Variants in CD74 observed in about 807,000 individuals in gnomAD.
CD74 encodes the protein CD74 molecule.
In CD74, 20 loss-of-function variants were observed where a neutral mutation model predicts 37.1. The ratio of observed to expected loss-of-function variants is 0.54; its 90% CI spans 0.38 to 0.78. The LOEUF (loss-of-function observed/expected upper bound fraction) is 0.78. CD74 is among the 30% of genes least tolerant of loss of function. The pLI, the probability that CD74 is intolerant of heterozygous loss-of-function variation, is 0.00. For missense variants in CD74, 338 were observed against 389.5 expected, an observed-to-expected ratio of 0.87 and a Z score of 1.11; for synonymous variants, 150 against 152.0, an observed-to-expected ratio of 0.99 and a Z score of 0.10.
At chr5:150,411,678 G>A (rs1481942381) in intron 1 of CD74, among the ~76,000 whole-genome samples, 1 of 152,180 alleles carries the variant, frequency 6.6e-6, no homozygotes, top group African/African-American at 2.4e-5. Context: ...TGGCTGCAAG[G>A]GAGAGGGGCA....
Position 150,407,663 on chromosome 5 carries a change from G to C in CD74, c.126-339C>G, listed in dbSNP as rs186944854. Among the ~76,000 whole-genome samples, 107 of 152,024 alleles carry C rather than the reference G, an allele frequency of 7.0e-4. No homozygotes were observed. The highest frequency in any genetic ancestry group is 3.4e-3 in the Middle Eastern group (1 of 292). On this transcript the variant is annotated intron_variant, in intron 1 of 8. Coordinates refer to ENST00000009530, the MANE Select transcript of CD74 (RefSeq NM_001025159.3). The surrounding 1 kb of genome is among the most constrained non-coding windows in gnomAD (Gnocchi z 4.4). ...TGCCTGTGCGATGAGGGGTTGAGGT[G>C]GGGGGGTCTTCCCAGGCTCCCTTTG...
At chr5:150,404,507 C>G (rs1199485207) in intron 6 of CD74, 173 bp downstream of exon 6, 8 of 584,192 alleles carry the variant, frequency 1.4e-5, no homozygotes, top group Middle Eastern at 9.1e-4. Context: ...GACAGCCAAA[C>G]CAAGAAGGAA....
In CD74 at chr5:150,401,797, C is replaced by G. The variant is rs1769627177; in HGVS notation, c.*443G>C. ...ATGCTGGGGAAAGGGAAGAGAGTGG[C>G]TCAGCCTGCAGGTAAATAGGCTAGA... On this transcript the variant is annotated 3_prime_UTR_variant, in exon 9 of 9. Coordinates refer to ENST00000009530, the MANE Select transcript of CD74 (RefSeq NM_001025159.3). 7 of 618,178 alleles carry G rather than the reference C, an allele frequency of 1.1e-5. No individual in the cohort carries two copies. The South Asian group carries it at 1.3e-4, about 12-fold the overall frequency. 38.3% of individuals were successfully genotyped at this position (618,178 alleles called of 1,614,324 possible). A position where few individuals can be genotyped will look rare whatever the true frequency, so the allele number is the denominator to read the frequency against.
At position 150,409,338 on chromosome 5, in the gene CD74, C is replaced by T. The variant is rs188768370; in HGVS notation, c.126-2014G>A. 3.1e-3 allele frequency among the ~76,000 whole-genome samples: 477 copies of T among 151,814 alleles called. 2 individuals carry two copies. The highest frequency in any genetic ancestry group is 5.5e-3 in the Non-Finnish European group (375 of 67,948). ...GGTCAGGAGTTCGAGACCAGCCTGG[C>T]CAACGTGGTGAAACCCTGTCTCTAC... On this transcript the variant is annotated intron_variant, in intron 1 of 8. Transcript: ENST00000009530.
Position 150,403,227 on chromosome 5 carries a change from GT to G in CD74, c.710del (p.Asn237ThrfsTer50), listed in dbSNP as rs1384460241. The G allele has an allele frequency of 6.2e-7, 1 of 1,613,944 alleles. No homozygotes were observed. Among genetic ancestry groups the G allele is most frequent in the Non-Finnish European group, 8.5e-7 (1 of 1,179,902 alleles). On this transcript the variant is annotated frameshift_variant, in exon 7 of 9. Coordinates refer to ENST00000009530, the MANE Select transcript of CD74 (RefSeq NM_001025159.3). LOFTEE classifies it high-confidence loss of function. This position sits in a 1 kb window ranked among gnomAD's most constrained non-coding sequence, Gnocchi z 4.5. ...SFRPKCDENG[N>X]YLPLQCYGSI... ...TCCCATAGCACTGGAGTGGCAGATAGTTGCCGTTCTCGTCGCACTTGGGCCT... is the reference window on the plus strand; with the variant it reads ...TCCCATAGCACTGGAGTGGCAGATAGTGCCGTTCTCGTCGCACTTGGGCCT...
At chr5:150,405,343 G>T in intron 4 of CD74, 163 bp from the exon 5 acceptor site, 1 of 1,357,048 alleles carries the variant, frequency 7.4e-7, no homozygotes, top group Non-Finnish European at 9.5e-7. Flanking sequence ...GGAGGGGAGG[G>T]TACGGGTAAG....
chr5:150,407,336 G>T lies in CD74; in HGVS notation c.126-12C>A, dbSNP rs2151181015. ...CGCGGCTGCACTTGCTGTGGGAGGT[G>T]GGGAGGATAGGTCAGAGGAGGATCC... On this transcript the variant is annotated splice_polypyrimidine_tract_variant and intron_variant, in intron 1 of 8. Coordinates refer to ENST00000009530, the MANE Select transcript of CD74 (RefSeq NM_001025159.3). This position sits in a 1 kb window ranked among gnomAD's most constrained non-coding sequence, Gnocchi z 4.4. 1 of 1,598,348 alleles carries T rather than the reference G, an allele frequency of 6.3e-7. No homozygotes were observed. The highest frequency in any genetic ancestry group is 2.3e-5 in the East Asian group (1 of 44,378).
In CD74 at chr5:150,403,087, G is replaced by T. The variant is rs1468568974; in HGVS notation, c.817+34C>A. ...CCCCTCAACCTTCCTAGTCCTTCCT[G>T]GTCCTCTGACACTGGCACAGTGCCA... On this transcript the variant is annotated intron_variant, in intron 7 of 8. Coordinates refer to ENST00000009530, the MANE Select transcript of CD74 (RefSeq NM_001025159.3). This position sits in a 1 kb window ranked among gnomAD's most constrained non-coding sequence, Gnocchi z 4.5. 1.3e-6 allele frequency: 2 copies of T among 1,579,724 alleles called. No homozygotes were observed. The highest frequency in any genetic ancestry group is 1.1e-5 in the South Asian group (1 of 88,814).
intron 1 of CD74, among the ~76,000 whole-genome samples, chr5:150,411,973 TA>T: frequency 6.6e-6 from 1 of 152,308 alleles, no homozygotes; most frequent in Non-Finnish European, 1.5e-5. Flanking sequence ...TTTATTTATT[TA>T]TTTTTTTTGA....
rs539298812 is a variant in CD74, at chr5:150,404,809, C to A, written c.538-42G>T. 6.7e-6 allele frequency: 9 copies of A among 1,338,498 alleles called. No individual in the cohort carries two copies. The East Asian group carries it at 2.3e-4, about 34-fold the overall frequency. 82.9% of individuals were successfully genotyped at this position (1,338,498 alleles called of 1,614,324 possible). On this transcript the variant is annotated intron_variant, in intron 5 of 8. Transcript: ENST00000009530. ...TGGAGGTCAGGTTCGATGGCCACCA[C>A]CAAGCCCCTACACTGCCTGGCTTTG...
chr5:150,405,901 A>T (rs1413617912), intron 4 of CD74: 1 of 209,534 alleles, frequency 4.8e-6, no homozygotes, highest in Non-Finnish European at 1.0e-5. Flanking sequence ...CAACCTCATG[A>T]GTAGCTGGGA....
chr5:150,406,585 T>A, intron 3 of CD74: 1 of 590,900 alleles, frequency 1.7e-6, no homozygotes, highest in Non-Finnish European at 3.0e-6. Context: ...ATATTGTCAA[T>A]GCATGATAGC....
Position 150,403,783 on chromosome 5 carries a change from C to T in CD74, c.626-471G>A, listed in dbSNP as rs986759381. Among the ~76,000 whole-genome samples, 2 of 152,176 alleles carry T rather than the reference C, an allele frequency of 1.3e-5. No homozygotes were observed. The highest frequency in any genetic ancestry group is 2.9e-5 in the Non-Finnish European group (2 of 68,024). ...CCGAGGCAGGAGAATTGCTTGAACC[C>T]GGGAGGCTGAGGTTGCAGTGAGCTG... is the stretch of plus-strand genomic sequence containing the variant. On this transcript the variant is annotated intron_variant, in intron 6 of 8. Coordinates refer to ENST00000009530, the MANE Select transcript of CD74 (RefSeq NM_001025159.3). This position sits in a 1 kb window ranked among gnomAD's most constrained non-coding sequence, Gnocchi z 4.5.
rs781680991 is a variant in CD74, at chr5:150,412,670, T to C, written c.80A>G (p.Asn27Ser). The change falls in exon 1 of 9, where the codon AAT becomes AGT. Residue 27 changes from asparagine (N) to serine (S), a missense_variant. By Grantham distance (46) the Asn-to-Ser change is conservative. Transcript: ENST00000009530. ...MDDQRDLISN[N>S]EQLPMLGRRP... ...CCGGCCCAGCATGGGCAGTTGCTCA[T>C]TGTTGGAGATAAGGTCGCGCTGGTC... 11 of 1,613,808 alleles carry C rather than the reference T, an allele frequency of 6.8e-6. No individual in the cohort carries two copies. The African/African-American group carries it at 1.3e-4, about 20-fold the overall frequency.
chr5:150,412,763 C>A lies in CD74; in HGVS notation c.-14G>T, dbSNP rs1413391981. On this transcript the variant is annotated 5_prime_UTR_variant, in exon 1 of 9. Transcript: ENST00000009530. The stretch of plus-strand genomic sequence containing the variant: ...CCTCCTGTGCATCTGGGACCCTGAC[C>A]CCCCGGCTCGCCTCTTAAAGTCGGT... The A allele has an allele frequency of 1.2e-6, 2 of 1,613,698 alleles. No individual in the cohort carries two copies. Among genetic ancestry groups the A allele is most frequent in the Non-Finnish European group, 8.5e-7 (1 of 1,179,844 alleles).
Position 150,406,964 on chromosome 5 carries a change from TG to T in CD74, c.299-5del. 1 of 1,573,066 alleles carries T rather than the reference TG, an allele frequency of 6.4e-7. No individual in the cohort carries two copies. Among genetic ancestry groups the T allele is most frequent in the Non-Finnish European group, 8.6e-7 (1 of 1,166,090 alleles). On this transcript the variant is annotated splice_region_variant and splice_polypyrimidine_tract_variant and intron_variant, in intron 2 of 8. Coordinates refer to ENST00000009530, the MANE Select transcript of CD74 (RefSeq NM_001025159.3). ...ATCTTGCTCACAGGCTTGGGAGCTG[TG>T]GGGACAGGAACGAGGGTAAGTGTGG...
intron 4 of CD74, chr5:150,405,690 G>A (rs754073788): frequency 5.7e-5 from 9 of 159,040 alleles, no homozygotes; most frequent in East Asian, 1.8e-4. Flanking sequence ...GGACAGACAC[G>A]CAGTACAAAT....
At chr5:150,412,263 C>T (rs1770386644) in intron 1 of CD74, among the ~76,000 whole-genome samples, 1 of 152,230 alleles carries the variant, frequency 6.6e-6, no homozygotes, top group Admixed American at 6.5e-5. Context: ...CCAGGCACAG[C>T]CTGTTCCAAG....
chr5:150,409,254 C>T (rs1770188664), intron 1 of CD74, among the ~76,000 whole-genome samples: 1 of 148,986 alleles, frequency 6.7e-6, no homozygotes, highest in African/African-American at 2.5e-5. Flanking sequence ...AGGCCGGGCG[C>T]GGTGGCTCAC....
Sources: gnomAD v4.1 joint callset for allele counts (sites outside exome capture counted in the v4.1 genomes callset) on GRCh38, gnomAD v4.1.1 for gene constraint, Gnocchi (gnomAD v3.1) non-coding constraint, MANE v1.5 for transcripts, NCBI Gene and HGNC (gene_info 2026-07-23, HGNC 2026-07-21) for gene names.